The following MAD1L1 variants were observed in gnomAD, a reference collection of about 807,000 sequenced individuals.
The protein encoded by MAD1L1 is mitotic spindle assembly checkpoint protein MAD1.
A neutral mutation model predicts 96.9 loss-of-function variants in MAD1L1; 95 were observed. The observed-to-expected ratio is 0.98, with a 90% confidence interval of 0.83 to 1.16. MAD1L1 has a LOEUF of 1.16. Among genes scored for constraint, MAD1L1 ranks in the 50% most tolerant of loss-of-function variants. The pLI is 0.00. For missense variants in MAD1L1, 1,007 were observed against 954.4 expected (o/e 1.06, Z -0.73); for synonymous variants, 473 against 396.6 (o/e 1.19, Z -2.29).
Position 1,852,757 on chromosome 7 carries a change from T to C in MAD1L1, c.1999-36529A>G, listed in dbSNP as rs557304398. Among the ~76,000 whole-genome samples the C allele has an allele frequency of 2.6e-5, 4 of 152,236 alleles. No individual in the cohort carries two copies. In the South Asian group the frequency reaches 8.3e-4, roughly 32 times the overall value. The stretch of plus-strand genomic sequence containing the variant: ...GGCCTTGTAATGACTCCGGACTTGC[T>C]GTTCCCCTGCCTCCTGAGCCCACCC... On this transcript the variant is annotated intron_variant, in intron 18 of 18. Coordinates refer to ENST00000265854, the MANE Select transcript of MAD1L1 (RefSeq NM_001013836.2).
At chr7:1,903,397 G>A (rs1376230236) in intron 17 of MAD1L1, among the ~76,000 whole-genome samples, 5 of 148,052 alleles carry the variant, frequency 3.4e-5, no homozygotes, top group Admixed American at 6.7e-5. Flanking sequence ...AGTGGCCTAT[G>A]GAAGACGTTC....
At chr7:2,042,996 G>A (rs752017735) in intron 12 of MAD1L1, among the ~76,000 whole-genome samples, 10 of 152,054 alleles carry the variant, frequency 6.6e-5, no homozygotes, top group Non-Finnish European at 1.5e-4. Flanking sequence ...AGTCACCTTC[G>A]CCAAGAAGGA....
chr7:1,898,429 A>G, intron 17 of MAD1L1, 39 bp from the exon 18 acceptor site: 3 of 1,588,138 alleles, frequency 1.9e-6, no homozygotes, highest in Non-Finnish European at 2.6e-6. Context: ...GTGCGGCACC[A>G]GGCCGGAGGG....
chr7:1,824,197 C>T (rs1006514651), intron 18 of MAD1L1, among the ~76,000 whole-genome samples: 10 of 152,302 alleles, frequency 6.6e-5, no homozygotes, highest in African/African-American at 2.4e-4. Flanking sequence ...GACTTGAGCA[C>T]TGCCGGCCCC....
chr7:2,175,952 A>G (rs1274881647), intron 10 of MAD1L1, among the ~76,000 whole-genome samples: 1 of 152,264 alleles, frequency 6.6e-6, no homozygotes, highest in Non-Finnish European at 1.5e-5. Flanking sequence ...TGAAGATATT[A>G]AGAGAGAAGA....
At chr7:2,218,287 G>A (rs545172655) in intron 6 of MAD1L1, among the ~76,000 whole-genome samples, 1 of 152,242 alleles carries the variant, frequency 6.6e-6, no homozygotes, top group South Asian at 2.1e-4. Flanking sequence ...TCATTCAGAC[G>A]GGGTGCGTAG....
chr7:2,088,912 G>C lies in MAD1L1; in HGVS notation c.1074-19574C>G, dbSNP rs531433275. 4 of 152,340 alleles carry C rather than the reference G, an allele frequency of 2.6e-5. No homozygotes were observed. Among genetic ancestry groups the C allele is most frequent in the Non-Finnish European group, 4.4e-5 (3 of 68,132 alleles). The allele number at this position is 152,340 out of a possible 1,614,324, so 9.4% of individuals were successfully genotyped here. On this transcript the variant is annotated intron_variant, in intron 11 of 18. Coordinates refer to ENST00000265854, the MANE Select transcript of MAD1L1 (RefSeq NM_001013836.2). The surrounding 1 kb of genome is among the most constrained non-coding windows in gnomAD (Gnocchi z 4.4). ...ACACAAGCTGCCAGGCCCACGGTGG[G>C]GGTTGTGCCTGCAGAAGGCCTCCGA...
At chr7:1,965,033 A>G (rs923600990) in intron 15 of MAD1L1, among the ~76,000 whole-genome samples, 6 of 152,082 alleles carry the variant, frequency 3.9e-5, no homozygotes, top group African/African-American at 1.4e-4. Context: ...TGACCACCAC[A>G]CTTCACATTT....
rs1178074202 is a variant in MAD1L1 at position 1,817,240 on chromosome 7, G to A, written c.1999-1012C>T. On this transcript the variant is annotated intron_variant, in intron 18 of 18. Transcript: ENST00000265854. Reference sequence around the variant, plus strand: ...GACCCTCCGCGTCGCTGGCGGGAGCGTGTGTGGTGCGGCCACTGCAAACAG... The same window carrying A: ...GACCCTCCGCGTCGCTGGCGGGAGCATGTGTGGTGCGGCCACTGCAAACAG... Among the ~76,000 whole-genome samples the A allele has an allele frequency of 5.3e-5, 8 of 152,222 alleles. No homozygotes were observed. In the East Asian group the frequency reaches 1.5e-3, roughly 29 times the overall value.
chr7:1,838,237 T>C (rs975017319), intron 18 of MAD1L1, among the ~76,000 whole-genome samples: 1 of 152,166 alleles, frequency 6.6e-6, no homozygotes, highest in Admixed American at 6.5e-5. Context: ...TGGCGCGTGC[T>C]GGGGAGGACG....
intron 10 of MAD1L1, among the ~76,000 whole-genome samples, chr7:2,175,815 G>C (rs1052887009): frequency 2.6e-5 from 4 of 152,046 alleles, no homozygotes; most frequent in African/African-American, 7.2e-5. Context: ...AGGAAGTTTT[G>C]TAAGCATGCA....
At chr7:2,126,789 C>T (rs1788254377) in intron 11 of MAD1L1, among the ~76,000 whole-genome samples, 1 of 152,328 alleles carries the variant, frequency 6.6e-6, no homozygotes, top group African/African-American at 2.4e-5. Flanking sequence ...CAGTGAGCCA[C>T]GAGCCTCCGC....
At chr7:2,206,969 T>C (rs1422486097) in intron 10 of MAD1L1, among the ~76,000 whole-genome samples, 1 of 150,684 alleles carries the variant, frequency 6.6e-6, no homozygotes, top group Admixed American at 6.6e-5. Flanking sequence ...TAGTCCCAGC[T>C]ACTGGGGAGG....
At chr7:1,879,025 A>C (rs146417935) in intron 18 of MAD1L1, among the ~76,000 whole-genome samples, 2,104 of 152,354 alleles carry the variant, frequency 0.014, 45 homozygotes, top group African/African-American at 0.048. Flanking sequence ...CATTTACAAA[A>C]GCATGAAAAC....
chr7:1,825,258 G>A (rs1379502626), intron 18 of MAD1L1, among the ~76,000 whole-genome samples: 2 of 152,198 alleles, frequency 1.3e-5, no homozygotes, highest in Non-Finnish European at 2.9e-5. Flanking sequence ...TCATCTGCCC[G>A]TCTGCCTGGA....
chr7:2,183,049 C>A (rs1444905458), intron 10 of MAD1L1, among the ~76,000 whole-genome samples: 1 of 151,844 alleles, frequency 6.6e-6, no homozygotes, highest in Admixed American at 6.6e-5. Context: ...ATAGTGAGAC[C>A]CTATCTCTAC....
At chr7:2,131,051 G>A (rs1419528058) in intron 11 of MAD1L1, among the ~76,000 whole-genome samples, 1 of 152,218 alleles carries the variant, frequency 6.6e-6, no homozygotes, top group African/African-American at 2.4e-5. Flanking sequence ...CGTCCTGGAA[G>A]AACCTTGCAC....
At chr7:1,833,678 C>T (rs747439673) in intron 18 of MAD1L1, among the ~76,000 whole-genome samples, 3 of 152,214 alleles carry the variant, frequency 2.0e-5, no homozygotes, top group Non-Finnish European at 4.4e-5. Context: ...CAGTGGCTCA[C>T]GCCTGTAATC....
intron 17 of MAD1L1, 149 bp downstream of exon 17, chr7:1,936,538 C>T: frequency 1.2e-6 from 1 of 810,204 alleles, no homozygotes; most frequent in Non-Finnish European, 1.9e-6. Flanking sequence ...TGCTCTGCCC[C>T]AGCAACCACC....
Sources: gnomAD v4.1 joint callset for allele counts (sites outside exome capture counted in the v4.1 genomes callset) on GRCh38, gnomAD v4.1.1 for gene constraint, Gnocchi (gnomAD v3.1) non-coding constraint, MANE v1.5 for transcripts, NCBI Gene and HGNC (gene_info 2026-07-23, HGNC 2026-07-21) for gene names.